The following GRM1 variants were observed in gnomAD, a reference collection of about 807,000 sequenced individuals.
GRM1 encodes glutamate metabotropic receptor 1.
In GRM1, 33 loss-of-function variants were observed where a neutral mutation model predicts 90.9. The ratio of observed to expected loss-of-function variants is 0.36; its 90% CI spans 0.28 to 0.49. The LOEUF (loss-of-function observed/expected upper bound fraction) is 0.49, where lower values mean the gene tolerates loss of function less well. Ranked by LOEUF, GRM1 falls within the 20% of genes least tolerant of loss-of-function variation. GRM1 has a pLI of 0.99. For missense variants in GRM1, 1,190 were observed against 1,534.3 expected (o/e 0.78, Z 3.75); for synonymous variants, 700 against 613.2 (o/e 1.14, Z -2.09).
intron 7 of GRM1, among the ~76,000 whole-genome samples, chr6:146,411,662 T>C (rs114043279): frequency 0.013 from 1,940 of 152,232 alleles, 47 homozygotes; most frequent in African/African-American, 0.045. Flanking sequence ...GAGATTACAG[T>C]GGCCTGACCT....
chr6:146,388,330 G>A (rs1776583008), intron 6 of GRM1, among the ~76,000 whole-genome samples: 1 of 151,832 alleles, frequency 6.6e-6, no homozygotes, highest in South Asian at 2.1e-4. Context: ...TGTCTTTTTG[G>A]GTGCTGTTGA....
intron 6 of GRM1, among the ~76,000 whole-genome samples, chr6:146,391,546 T>C (rs950798964): frequency 1.3e-5 from 2 of 151,904 alleles, no homozygotes; most frequent in African/African-American, 2.4e-5. Flanking sequence ...CACCTGGAGG[T>C]TGGATAACTC....
chr6:146,159,560 C>A lies in GRM1; in HGVS notation c.913C>A (p.Arg305Ser). 1 of 1,613,636 alleles carries A rather than the reference C, an allele frequency of 6.2e-7. No homozygotes were observed. The stretch of plus-strand genomic sequence containing the variant: ...GCGAGGACTCCTGAGCGCCATGCGG[C>A]GCCTTGGCGTCGTGGGCGAGTTCTC... ...TVRGLLSAMRRLGVVGEFSLI... is the reference protein window; with the variant it reads ...TVRGLLSAMRSLGVVGEFSLI... The change falls in exon 2 of 8, where the codon CGC becomes AGC. Residue 305 changes from arginine (R) to serine (S), a missense_variant. This residue lies in a region of GRM1 where 414 missense variants were observed against 598.4 expected (regional missense o/e 0.69). Transcript: ENST00000282753.
chr6:146,311,246 A>C (rs1783760171), intron 3 of GRM1, among the ~76,000 whole-genome samples: 1 of 152,232 alleles, frequency 6.6e-6, no homozygotes, highest in African/African-American at 2.4e-5. Context: ...TGCTGTGCAT[A>C]CAGGAAGTGC....
intron 7 of GRM1, among the ~76,000 whole-genome samples, chr6:146,410,492 G>A (rs1024016821): frequency 4.6e-5 from 7 of 152,196 alleles, no homozygotes; most frequent in Non-Finnish European, 1.0e-4. Flanking sequence ...AATCAAGTTT[G>A]AGTGTAGGGG....
chr6:146,275,235 G>T (rs545440516), intron 2 of GRM1, among the ~76,000 whole-genome samples: 1 of 152,132 alleles, frequency 6.6e-6, no homozygotes, highest in Non-Finnish European at 1.5e-5. Context: ...AGAGGTGGGA[G>T]ATGTCACCAC....
intron 3 of GRM1, among the ~76,000 whole-genome samples, chr6:146,314,604 T>A (rs1004319252): frequency 6.6e-6 from 1 of 152,220 alleles, no homozygotes. Flanking sequence ...CCTGTTGGTC[T>A]TATTCACTAT....
At chr6:146,342,208 C>G (rs1314224430) in intron 3 of GRM1, among the ~76,000 whole-genome samples, 6 of 152,130 alleles carry the variant, frequency 3.9e-5, no homozygotes, top group Non-Finnish European at 7.4e-5. Context: ...TTTTTAACCT[C>G]CTCTATGCAG....
intron 1 of GRM1, among the ~76,000 whole-genome samples, chr6:146,090,500 A>G (rs1299128332): frequency 6.6e-6 from 1 of 152,140 alleles, no homozygotes; most frequent in Non-Finnish European, 1.5e-5. Context: ...ATAAGTGCCT[A>G]CAAAGTTTTT....
intron 1 of GRM1, among the ~76,000 whole-genome samples, chr6:146,129,904 T>A (rs1776331315): frequency 6.6e-6 from 1 of 152,052 alleles, no homozygotes; most frequent in Non-Finnish European, 1.5e-5. Flanking sequence ...ATGTTCAGAT[T>A]TTTTATTTTG....
At chr6:146,236,655 G>T (rs201492994) in intron 2 of GRM1, among the ~76,000 whole-genome samples, 2 of 148,662 alleles carry the variant, frequency 1.3e-5, no homozygotes, top group Non-Finnish European at 2.9e-5. Context: ...GGGAATTTTT[G>T]TTGTTGTTGT....
At chr6:146,262,483 T>C (rs1781736270) in intron 2 of GRM1, among the ~76,000 whole-genome samples, 1 of 151,934 alleles carries the variant, frequency 6.6e-6, no homozygotes, top group East Asian at 1.9e-4. Flanking sequence ...TTCAAGGTAA[T>C]GCATGAATCA....
intron 2 of GRM1, among the ~76,000 whole-genome samples, chr6:146,300,120 G>T (rs1441497396): frequency 6.6e-6 from 1 of 151,920 alleles, no homozygotes; most frequent in Non-Finnish European, 1.5e-5. Flanking sequence ...GTAATCTCTG[G>T]AATATTTTAA....
At chr6:146,363,790 A>G (rs754874053) in intron 5 of GRM1, among the ~76,000 whole-genome samples, 1 of 152,232 alleles carries the variant, frequency 6.6e-6, no homozygotes, top group African/African-American at 2.4e-5. Flanking sequence ...CAGCTAGATG[A>G]ACTTTGAAAA....
At chr6:146,059,578 G>T (rs74451866) in intron 1 of GRM1, among the ~76,000 whole-genome samples, 5,880 of 152,140 alleles carry the variant, frequency 0.039, 378 homozygotes, top group African/African-American at 0.13. Context: ...CCCTAACAAA[G>T]AAATCAGCCT....
At chr6:146,277,876 A>G (rs1471907299) in intron 2 of GRM1, among the ~76,000 whole-genome samples, 1 of 152,172 alleles carries the variant, frequency 6.6e-6, no homozygotes, top group Non-Finnish European at 1.5e-5. Flanking sequence ...AATTAATAAT[A>G]TCACTTCAGA....
chr6:146,136,247 T>C (rs1195275629), intron 1 of GRM1, among the ~76,000 whole-genome samples: 1 of 152,252 alleles, frequency 6.6e-6, no homozygotes, highest in Non-Finnish European at 1.5e-5. Flanking sequence ...AACATGGTAG[T>C]GCAGATATGT....
intron 3 of GRM1, among the ~76,000 whole-genome samples, chr6:146,308,181 T>C (rs1783646962): frequency 6.6e-6 from 1 of 152,156 alleles, no homozygotes; most frequent in African/African-American, 2.4e-5. Context: ...GCTGATAGGG[T>C]GTAGCATTTT....
chr6:146,267,035 C>T (rs1345377824), intron 2 of GRM1, among the ~76,000 whole-genome samples: 1 of 152,172 alleles, frequency 6.6e-6, no homozygotes, highest in Non-Finnish European at 1.5e-5. Context: ...TCCTGATGCT[C>T]TCCCTCCCCC....
Sources: gnomAD v4.1 joint callset for allele counts (sites outside exome capture counted in the v4.1 genomes callset) on GRCh38, gnomAD v4.1.1 for gene constraint, gnomAD v4.1.1 regional missense constraint, MANE v1.5 for transcripts, NCBI Gene and HGNC (gene_info 2026-07-23, HGNC 2026-07-21) for gene names.